The following TENM1 variants were observed in gnomAD, a reference collection of about 807,000 sequenced individuals.
The protein encoded by TENM1 is teneurin-1.
TENM1 carries 35 observed loss-of-function variants against 174.8 expected under a neutral mutation model. The ratio of observed to expected loss-of-function variants is 0.20; its 90% CI spans 0.15 to 0.27. The LOEUF (loss-of-function observed/expected upper bound fraction) is 0.27, where lower values mean the gene tolerates loss of function less well. Among genes scored for constraint, TENM1 ranks in the 10% least tolerant of loss-of-function variants. The pLI is 1.00. For synonymous variants in TENM1, 781 were observed against 798.7 expected (o/e 0.98, Z 0.37); for missense variants, 1,633 against 2,130.1 (o/e 0.77, Z 4.59).
the TENM1 span, among the ~76,000 whole-genome samples, chrX:125,160,756 T>C: frequency 9.2e-6 from 1 of 109,071 alleles, no homozygotes; most frequent in African/African-American, 3.3e-5. Flanking sequence ...TACTTCACAC[T>C]CACTATAATA....
the TENM1 span, among the ~76,000 whole-genome samples, chrX:125,109,372 T>C: frequency 9.0e-6 from 1 of 111,534 alleles, no homozygotes; most frequent in Non-Finnish European, 1.9e-5. Flanking sequence ...CTTTTTTTAA[T>C]CAACTTTTAT....
chrX:125,087,055 C>T, the TENM1 span, among the ~76,000 whole-genome samples: 1 of 111,078 alleles, frequency 9.0e-6, no homozygotes, highest in Non-Finnish European at 1.9e-5. Flanking sequence ...AATGAAAATG[C>T]TGACAGACCT....
chrX:125,090,835 T>C, the TENM1 span, among the ~76,000 whole-genome samples: 2 of 111,547 alleles, frequency 1.8e-5, no homozygotes, highest in African/African-American at 6.5e-5. Flanking sequence ...AATACTTGCA[T>C]AGACCAAGGG....
chrX:125,074,885 G>A, the TENM1 span, among the ~76,000 whole-genome samples: 5 of 111,646 alleles, frequency 4.5e-5, no homozygotes, highest in Non-Finnish European at 9.4e-5. Context: ...GTTCCTTCAG[G>A]AGGCTTTTCC....
chrX:124,746,807 C>T (rs1181664328), intron 3 of TENM1, among the ~76,000 whole-genome samples: 1 of 110,605 alleles, frequency 9.0e-6, no homozygotes, highest in African/African-American at 3.3e-5. Flanking sequence ...ATAGATGTGT[C>T]TGCTAGTGGA....
At chrX:124,583,003 G>A (rs964462742) in intron 11 of TENM1, among the ~76,000 whole-genome samples, 1 of 112,605 alleles carries the variant, frequency 8.9e-6, no homozygotes, top group African/African-American at 3.2e-5. Flanking sequence ...CATTGCCCAG[G>A]CTTGCTTAGG....
chrX:124,955,793 G>GCGCACACACACACA (rs1556430412), intron 1 of TENM1, among the ~76,000 whole-genome samples: 1 of 78,116 alleles, frequency 1.3e-5, no homozygotes, highest in Non-Finnish European at 2.5e-5. Context: ...CAACACACGC[G>GCGCACACACACACA]CACGCACACA....
intron 5 of TENM1, among the ~76,000 whole-genome samples, chrX:124,682,938 T>C (rs770552401): frequency 5.4e-5 from 6 of 111,639 alleles, no homozygotes; most frequent in Non-Finnish European, 1.1e-4. Context: ...AAGTGTCAAA[T>C]GCAGTTAAGA....
chrX:124,674,734 C>G (rs987943493), intron 5 of TENM1, among the ~76,000 whole-genome samples: 34 of 111,168 alleles, frequency 3.1e-4, no homozygotes, highest in Non-Finnish European at 3.4e-4. Flanking sequence ...TTTAACACAC[C>G]TGTTCCAATT....
chrX:124,631,712 A>G (rs1299840797), intron 11 of TENM1, among the ~76,000 whole-genome samples: 1 of 107,768 alleles, frequency 9.3e-6, no homozygotes, highest in Admixed American at 9.9e-5. Flanking sequence ...AGTCTGGCCA[A>G]CATAGTGAAA....
chrX:124,906,855 A>C (rs893464568), intron 1 of TENM1, among the ~76,000 whole-genome samples: 1 of 111,815 alleles, frequency 8.9e-6, no homozygotes, highest in Non-Finnish European at 1.9e-5. Flanking sequence ...GTAAGTATCC[A>C]GAAAATGCAA....
chrX:125,016,637 C>A, the TENM1 span, among the ~76,000 whole-genome samples: 4 of 111,499 alleles, frequency 3.6e-5, no homozygotes, highest in Admixed American at 1.9e-4. Context: ...GGCCATACTG[C>A]CCAAAGTAAT....
chrX:124,466,310 T>C (rs956232550), intron 22 of TENM1, among the ~76,000 whole-genome samples: 5 of 111,751 alleles, frequency 4.5e-5, no homozygotes, highest in African/African-American at 1.6e-4. Context: ...AAATGAGTAA[T>C]TAATAACAGG....
intron 27 of TENM1, among the ~76,000 whole-genome samples, chrX:124,403,953 G>A (rs754349813): frequency 6.7e-4 from 74 of 110,872 alleles, no homozygotes; most frequent in South Asian, 7.7e-4. Context: ...TAGTCTGTGC[G>A]GTCTAACCCT....
chrX:124,652,023 C>T (rs979095690), exon 8 of TENM1: 4 of 1,211,614 alleles, frequency 3.3e-6, no homozygotes, highest in East Asian at 3.0e-5. Context: ...TCTCCTGAAG[C>T]GAAGTTAAGA....
chrX:124,760,825 C>T (rs1395990840), intron 3 of TENM1, among the ~76,000 whole-genome samples: 1 of 111,679 alleles, frequency 9.0e-6, no homozygotes, highest in African/African-American at 3.3e-5. Flanking sequence ...CCAGAATCTA[C>T]AGAGAACTTA....
rs1010074281 is a variant in TENM1 at position 124,406,554 on chromosome X, A to T, written c.4983-65T>A. On this transcript the variant is annotated intron_variant, in intron 25 of 31. Transcript: ENST00000422452. ...CAGTGATAACAGGACTTTGCAAAATAAAAATCACTTGGCAGCTAATACAGT... is the reference window on the plus strand; with the variant it reads ...CAGTGATAACAGGACTTTGCAAAATTAAAATCACTTGGCAGCTAATACAGT... The T allele has an allele frequency of 2.1e-5, 16 of 756,727 alleles. No individual in the cohort carries two copies. In the African/African-American group the frequency reaches 3.0e-4, roughly 14 times the overall value. 62.4% of individuals were successfully genotyped at this position (756,727 alleles called of 1,213,427 possible).
At chrX:124,524,049 ATTCTTTAG>A (rs1483264809) in intron 16 of TENM1, among the ~76,000 whole-genome samples, 11 of 109,231 alleles carry the variant, frequency 1.0e-4, no homozygotes, top group African/African-American at 3.7e-4. Flanking sequence ...TAATTTTTGT[ATTCTTTAG>A]TAGGCATGGG....
chrX:125,099,994 G>A, the TENM1 span, among the ~76,000 whole-genome samples: 1 of 111,553 alleles, frequency 9.0e-6, no homozygotes, highest in African/African-American at 3.3e-5. Context: ...ATTACTTCTA[G>A]ATTGAAAACA....
Sources: gnomAD v4.1 joint callset for allele counts (sites outside exome capture counted in the v4.1 genomes callset) on GRCh38, gnomAD v4.1.1 for gene constraint, MANE v1.5 for transcripts, NCBI Gene and HGNC (gene_info 2026-07-23, HGNC 2026-07-21) for gene names.